ASPG: variants seen among roughly 807,000 people sequenced by gnomAD.
The protein encoded by ASPG is asparaginase, also known as 60 kDa lysophospholipase.
ASPG carries 53 observed loss-of-function variants against 63.2 expected under a neutral mutation model. The observed-to-expected ratio is 0.84, with a 90% CI of 0.67 to 1.05. The LOEUF is 1.05. Ranked by LOEUF, ASPG falls within the 50% of genes least tolerant of loss-of-function variation. ASPG has a pLI of 0.00. For missense variants in ASPG, 741 were observed against 794.4 expected, an observed-to-expected ratio of 0.93 and a Z score of 0.81; for synonymous variants, 370 against 355.0, an observed-to-expected ratio of 1.04 and a Z score of -0.48.
In ASPG at chr14:104,113,962, A is replaced by T. The variant is rs2037433403; in HGVS notation, c.*1418A>T. 1 of 152,284 alleles carries T rather than the reference A, an allele frequency of 6.6e-6. No individual in the cohort carries two copies. Among genetic ancestry groups the T allele is most frequent in the Non-Finnish European group, 1.5e-5 (1 of 68,084 alleles). The allele number at this position is 152,284 out of a possible 1,614,324, so 9.4% of individuals were successfully genotyped here. ...AGGGCCTTGGGAGAGGCGGTGGGGC[A>T]TCTGGACAAATGCCTGGTGCAGGTG... is the stretch of plus-strand genomic sequence containing the variant. On this transcript the variant is annotated 3_prime_UTR_variant, in exon 16 of 16. Transcript: ENST00000551177.
chr14:104,093,857 G>A (rs575305393), intron 3 of ASPG, among the ~76,000 whole-genome samples: 264 of 145,964 alleles, frequency 1.8e-3, no homozygotes, highest in African/African-American at 6.5e-3. Context: ...TGTGGGGTGG[G>A]CTGTGTTGTG....
rs567090522 is a variant in ASPG, at chr14:104,110,658, C to T, written c.1521-844C>T. 2.5e-4 allele frequency: 243 copies of T among 985,352 alleles called. No individual in the cohort carries two copies. The African/African-American group carries it at 4.1e-3, about 16-fold the overall frequency. 61.0% of individuals were successfully genotyped at this position (985,352 alleles called of 1,614,324 possible). A position where few individuals can be genotyped will look rare whatever the true frequency, so the allele number is the denominator to read the frequency against. ...GATTCGCTGCAGAGATTACCCAGTG[C>T]CACTGCAGGGCTGCTGCTGTTTCCT... On this transcript the variant is annotated intron_variant, in intron 13 of 15. Coordinates refer to ENST00000551177, the MANE Select transcript of ASPG (RefSeq NM_001080464.3). This position sits in a 1 kb window ranked among gnomAD's most constrained non-coding sequence, Gnocchi z 4.7.
At chr14:104,093,045 C>T in intron 2 of ASPG, 1 of 487,568 alleles carries the variant, frequency 2.1e-6, no homozygotes, top group Non-Finnish European at 3.7e-6. Flanking sequence ...CAGGAGCCAG[C>T]TGGCCCAGGT....
At chr14:104,112,156 T>C (rs1055822766) in intron 15 of ASPG, among the ~76,000 whole-genome samples, 156 bp downstream of exon 15, 1 of 152,046 alleles carries the variant, frequency 6.6e-6, no homozygotes, top group Non-Finnish European at 1.5e-5. Flanking sequence ...CTCCTGGGGA[T>C]GTCCAGGGTG....
At chr14:104,100,066 T>A (rs1290625734) in intron 6 of ASPG, among the ~76,000 whole-genome samples, 1 of 152,068 alleles carries the variant, frequency 6.6e-6, no homozygotes, top group Non-Finnish European at 1.5e-5. Context: ...TCCTAGGGAA[T>A]CTCCCGGTGC....
Position 104,111,999 on chromosome 14 carries a change from C to T in ASPG, c.1700C>T (p.Pro567Leu), listed in dbSNP as rs2037397303. The T allele has an allele frequency of 3.2e-5, 50 of 1,552,966 alleles. No individual in the cohort carries two copies. The highest frequency in any genetic ancestry group is 4.4e-5 in the Non-Finnish European group (50 of 1,147,920). ...EGAVGAQAPC[P>L]EVLPGV Reference sequence around the variant, plus strand: ...GCGGTTGGTGCCCAGGCCCCATGCCCAGTAAGTCCCCACCCCAGGCGGGGC... The same window carrying T: ...GCGGTTGGTGCCCAGGCCCCATGCCTAGTAAGTCCCCACCCCAGGCGGGGC... Residue 567 changes from proline (P) to leucine (L), a missense_variant and splice_region_variant, in exon 15 of 16, where the codon CCA (proline) becomes CTA (leucine). Physicochemically the swap from Pro to Leu is moderately conservative, Grantham distance 98. Coordinates refer to ENST00000551177, the MANE Select transcript of ASPG (RefSeq NM_001080464.3).
At chr14:104,085,962 TG>T (rs1401625632) in intron 1 of ASPG, 110 bp downstream of exon 1, 7 of 1,030,020 alleles carry the variant, frequency 6.8e-6, no homozygotes, top group Non-Finnish European at 8.1e-6. Flanking sequence ...CGCGCCTGGA[TG>T]GGGGGTGCGG....
At chr14:104,097,164 G>A (rs950136156) in intron 4 of ASPG, among the ~76,000 whole-genome samples, 1 of 151,696 alleles carries the variant, frequency 6.6e-6, no homozygotes, top group Non-Finnish European at 1.5e-5. Context: ...TATGGGGACC[G>A]GCTGGCCCCT....
chr14:104,095,723 G>A (rs56007227), intron 4 of ASPG, 67 bp downstream of exon 4: 128,404 of 1,594,972 alleles, frequency 0.081, 5,749 homozygotes, highest in African/African-American at 0.16. Flanking sequence ...AGTCAGCGCT[G>A]TGGGCGGCCG....
intron 6 of ASPG, among the ~76,000 whole-genome samples, chr14:104,102,309 C>A (rs768512204): frequency 1.3e-5 from 2 of 152,112 alleles, no homozygotes; most frequent in Non-Finnish European, 2.9e-5. Flanking sequence ...CCACATCTCC[C>A]CCCTTCAGCT....
At chr14:104,090,693 CCCTGTGG>C (rs1442564104) in intron 1 of ASPG, among the ~76,000 whole-genome samples, 1 of 152,222 alleles carries the variant, frequency 6.6e-6, no homozygotes, top group African/African-American at 2.4e-5. Context: ...CCTCCCCGTG[CCCTGTGG>C]CCTTCCACCT....
At chr14:104,086,408 C>G (rs1210923100) in intron 1 of ASPG, among the ~76,000 whole-genome samples, 1 of 152,190 alleles carries the variant, frequency 6.6e-6, no homozygotes, top group Non-Finnish European at 1.5e-5. Flanking sequence ...TCCTCTGCCC[C>G]TGTGTGGACC....
intron 7 of ASPG, 73 bp downstream of exon 7, chr14:104,103,748 G>C (rs1392819434): frequency 7.5e-7 from 1 of 1,327,544 alleles, no homozygotes; most frequent in East Asian, 2.5e-5. Flanking sequence ...CGGCCCTCAG[G>C]CTCCCTGGGG....
chr14:104,110,582 G>A lies in ASPG; in HGVS notation c.1521-920G>A. 1 of 985,284 alleles carries A rather than the reference G, an allele frequency of 1.0e-6. No individual in the cohort carries two copies. The highest frequency in any genetic ancestry group is 1.2e-6 in the Non-Finnish European group (1 of 829,856). The allele number at this position is 985,284 out of a possible 1,614,324, so 61.0% of individuals were successfully genotyped here. Reference sequence around the variant, plus strand: ...TTCCTAGGGGCCGGTGTGTGTGTGGGGCTTGGCCTCTTGGAGCAGGTCCAG... The same window carrying A: ...TTCCTAGGGGCCGGTGTGTGTGTGGAGCTTGGCCTCTTGGAGCAGGTCCAG... On this transcript the variant is annotated intron_variant, in intron 13 of 15. Coordinates refer to ENST00000551177, the MANE Select transcript of ASPG (RefSeq NM_001080464.3). This position sits in a 1 kb window ranked among gnomAD's most constrained non-coding sequence, Gnocchi z 4.7.
At chr14:104,108,377 T>C in intron 12 of ASPG, 3 of 983,662 alleles carry the variant, frequency 3.0e-6, no homozygotes, top group Non-Finnish European at 3.6e-6. Flanking sequence ...TCCCGCCCCC[T>C]CGTCTCCTCC....
chr14:104,106,910 C>T lies in ASPG; in HGVS notation c.1269+16C>T. 1 of 1,557,016 alleles carries T rather than the reference C, an allele frequency of 6.4e-7. No homozygotes were observed. Among genetic ancestry groups the T allele is most frequent in the South Asian group, 1.2e-5 (1 of 85,004 alleles). On this transcript the variant is annotated intron_variant, in intron 11 of 15. Coordinates refer to ENST00000551177, the MANE Select transcript of ASPG (RefSeq NM_001080464.3). ...TGTGGAGCTGGTGAGCCTCCCCCAC[C>T]CTGGGGGCCCAGCCCCAGCCACGCC... is the stretch of plus-strand genomic sequence containing the variant.
intron 6 of ASPG, among the ~76,000 whole-genome samples, chr14:104,102,098 C>CATA (rs779634770): frequency 1.3e-5 from 2 of 152,088 alleles, no homozygotes; most frequent in African/African-American, 2.4e-5. Context: ...CCCTCTCAGC[C>CATA]ATAACTCTTT....
chr14:104,085,889 C>T, intron 1 of ASPG, 37 bp downstream of exon 1: 2 of 1,539,816 alleles, frequency 1.3e-6, no homozygotes, highest in East Asian at 5.1e-5. Context: ...GGCCTCTGGA[C>T]CTGGCCGCGA....
In ASPG at chr14:104,110,152, C is replaced by A; in HGVS notation, c.1520+837C>A. ...AGAGTCGGAGGCAGGAGACCTGGGC[C>A]GGGTGCAGGTGGTGGCTGGGGTGGG... On this transcript the variant is annotated intron_variant, in intron 13 of 15. Coordinates refer to ENST00000551177, the MANE Select transcript of ASPG (RefSeq NM_001080464.3). This position sits in a 1 kb window ranked among gnomAD's most constrained non-coding sequence, Gnocchi z 4.7. 1 of 984,744 alleles carries A rather than the reference C, an allele frequency of 1.0e-6. No individual in the cohort carries two copies. Among genetic ancestry groups the A allele is most frequent in the African/African-American group, 1.8e-5 (1 of 57,136 alleles). The allele number at this position is 984,744 out of a possible 1,614,324, so 61.0% of individuals were successfully genotyped here. A position where few individuals can be genotyped will look rare whatever the true frequency, so the allele number is the denominator to read the frequency against.
Sources: allele counts gnomAD v4.1 joint callset (sites outside exome capture counted in the v4.1 genomes callset), GRCh38; gene constraint gnomAD v4.1.1; non-coding constraint Gnocchi (gnomAD v3.1); transcripts MANE v1.5; gene names NCBI Gene and HGNC (gene_info 2026-07-23, HGNC 2026-07-21).